The following ZFPM1 variants were observed in gnomAD, a reference collection of about 807,000 sequenced individuals.
ZFPM1 encodes zinc finger protein ZFPM1.
A neutral mutation model predicts 46.3 loss-of-function variants in ZFPM1; 28 were observed. The ratio of observed to expected loss-of-function variants is 0.60; its 90% CI spans 0.45 to 0.83. The LOEUF (loss-of-function observed/expected upper bound fraction) is 0.83. Among genes scored for constraint, ZFPM1 ranks in the 40% least tolerant of loss-of-function variants. ZFPM1 has a pLI of 0.00. For synonymous variants in ZFPM1, 957 were observed against 675.9 expected (o/e 1.42, Z -6.45); for missense variants, 1,878 against 1,432.4 (o/e 1.31, Z -5.02).
At chr16:88,503,317 G>A (rs1910476651) in intron 3 of ZFPM1, among the ~76,000 whole-genome samples, 1 of 139,234 alleles carries the variant, frequency 7.2e-6, no homozygotes. Flanking sequence ...GGGGCCCACG[G>A]TTCCTGAGTG....
rs1256810074 is a variant in ZFPM1 at position 88,533,465 on chromosome 16, G to A, written c.1507G>A (p.Glu503Lys). 2.8e-6 allele frequency: 4 copies of A among 1,430,584 alleles called. No individual in the cohort carries two copies. The highest frequency in any genetic ancestry group is 3.6e-6 in the Non-Finnish European group (4 of 1,100,220). 88.6% of individuals were successfully genotyped at this position (1,430,584 alleles called of 1,614,324 possible). A position where few individuals can be genotyped will look rare whatever the true frequency, so the allele number is the denominator to read the frequency against. The change falls in exon 10 of 10, where the codon GAG becomes AAG. Residue 503 changes from glutamate (E) to lysine (K), a missense_variant. By Grantham distance (56) the Glu-to-Lys change is moderately conservative. Transcript: ENST00000319555. Reference sequence around the variant, plus strand: ...CCCCGCCCCGGCCAGGGTCAAGGCCGAGCTGTCCAGCCCCACGCCGGGCTC... The same window carrying A: ...CCCCGCCCCGGCCAGGGTCAAGGCCAAGCTGTCCAGCCCCACGCCGGGCTC... ...RSPAPARVKA[E>K]LSSPTPGSSP...
chr16:88,474,517 C>T (rs1434647629), intron 1 of ZFPM1, among the ~76,000 whole-genome samples: 1 of 151,940 alleles, frequency 6.6e-6, no homozygotes, highest in East Asian at 1.9e-4. Context: ...CCTCCAGCCC[C>T]CTGCCTCCCC....
At chr16:88,454,984 A>G (rs991410633) in intron 1 of ZFPM1, among the ~76,000 whole-genome samples, 1 of 151,922 alleles carries the variant, frequency 6.6e-6, no homozygotes, top group Non-Finnish European at 1.5e-5. Context: ...CCGTAACCCA[A>G]CTCCCTCAGC....
At chr16:88,478,708 G>C (rs531006303) in intron 1 of ZFPM1, among the ~76,000 whole-genome samples, 12 of 152,340 alleles carry the variant, frequency 7.9e-5, no homozygotes, top group African/African-American at 2.9e-4. Flanking sequence ...GGGGGAAAAA[G>C]CCTCCGCCAG....
chr16:88,504,667 G>A (rs985611801), intron 3 of ZFPM1, among the ~76,000 whole-genome samples: 4 of 152,202 alleles, frequency 2.6e-5, no homozygotes, highest in Non-Finnish European at 4.4e-5. Flanking sequence ...CCTGTGTACC[G>A]TGGCGCTCTG....
At chr16:88,519,106 ATGGGTGGATGGATGGATGGATGGG>A in intron 4 of ZFPM1, among the ~76,000 whole-genome samples, 1 of 95,256 alleles carries the variant, frequency 1.0e-5, no homozygotes, top group South Asian at 4.0e-4. Flanking sequence ...GTGTGGGTGG[ATGGGTGGATGGATGGATGGATGGG>A]TGGATGGATG....
chr16:88,510,079 G>A (rs1910868868), intron 3 of ZFPM1, among the ~76,000 whole-genome samples: 1 of 152,138 alleles, frequency 6.6e-6, no homozygotes. Flanking sequence ...AGCTAGGAGA[G>A]AGAGAATAGT....
chr16:88,453,716 C>G, intron 1 of ZFPM1, 38 bp downstream of exon 1: 2 of 1,156,780 alleles, frequency 1.7e-6, no homozygotes, highest in Non-Finnish European at 2.2e-6. Context: ...TCCGCGCGCC[C>G]GACCCCCGCC....
chr16:88,455,400 G>A (rs1907499084), intron 1 of ZFPM1, among the ~76,000 whole-genome samples: 1 of 151,984 alleles, frequency 6.6e-6, no homozygotes, highest in Admixed American at 6.5e-5. Flanking sequence ...GAAAGGGCCC[G>A]GACGAGGAAG....
At chr16:88,467,301 C>G (rs1908179386) in intron 1 of ZFPM1, among the ~76,000 whole-genome samples, 1 of 152,190 alleles carries the variant, frequency 6.6e-6, no homozygotes, top group African/African-American at 2.4e-5. Flanking sequence ...CCCTGGTTCT[C>G]ACACACATCC....
rs1017039037 is a variant in ZFPM1 at position 88,497,141 on chromosome 16, G to A, written c.268+7988G>A. Among the ~76,000 whole-genome samples the A allele has an allele frequency of 7.2e-5, 11 of 152,352 alleles. No individual in the cohort carries two copies. The South Asian group carries it at 1.9e-3, about 26-fold the overall frequency. On this transcript the variant is annotated intron_variant, in intron 3 of 9. Transcript: ENST00000319555. This position sits in a 1 kb window ranked among gnomAD's most constrained non-coding sequence, Gnocchi z 5.4. ...GACTTTTCCATCCCCACTCCATCCT[G>A]GGCTCTGATGGCAGAGATGGGAAGG...
At chr16:88,487,221 C>T (rs1313945173) in intron 2 of ZFPM1, among the ~76,000 whole-genome samples, 1 of 152,210 alleles carries the variant, frequency 6.6e-6, no homozygotes, top group African/African-American at 2.4e-5. Context: ...CATGCTCACC[C>T]CCATTTTCCA....
intron 1 of ZFPM1, among the ~76,000 whole-genome samples, chr16:88,456,327 C>T (rs955741526): frequency 1.3e-5 from 2 of 152,066 alleles, no homozygotes; most frequent in African/African-American, 4.8e-5. Context: ...GTGTTTTCCC[C>T]TTGAATCATG....
At chr16:88,453,714 C>A in intron 1 of ZFPM1, 36 bp downstream of exon 1, 3 of 1,163,990 alleles carry the variant, frequency 2.6e-6, no homozygotes, top group Non-Finnish European at 1.1e-6. Context: ...CCTCCGCGCG[C>A]CCGACCCCCG....
rs1908883381 is a variant in ZFPM1 at position 88,480,491 on chromosome 16, C to A, written c.41-5448C>A. Among the ~76,000 whole-genome samples the A allele has an allele frequency of 6.6e-6, 1 of 152,228 alleles. No individual in the cohort carries two copies. The highest frequency in any genetic ancestry group is 1.9e-4 in the East Asian group (1 of 5,204). ...GGGGCCGTGTGGCTGCCAGTGGTCACCCGCCCCACCAGCTGCTCACATGGG... is the reference window on the plus strand; with the variant it reads ...GGGGCCGTGTGGCTGCCAGTGGTCAACCGCCCCACCAGCTGCTCACATGGG... On this transcript the variant is annotated intron_variant, in intron 1 of 9. Transcript: ENST00000319555. This position sits in a 1 kb window ranked among gnomAD's most constrained non-coding sequence, Gnocchi z 4.9.
At chr16:88,473,768 G>T (rs138051882) in intron 1 of ZFPM1, among the ~76,000 whole-genome samples, 7 of 152,272 alleles carry the variant, frequency 4.6e-5, no homozygotes, top group African/African-American at 1.7e-4. Context: ...GCTTGCAGCC[G>T]CGTGCGTGGC....
chr16:88,489,413 G>A, intron 3 of ZFPM1: 1 of 461,544 alleles, frequency 2.2e-6, no homozygotes, highest in Non-Finnish European at 3.8e-6. Flanking sequence ...AGCCTGGTCT[G>A]GGCCGCGGAA....
At chr16:88,502,130 T>C (rs1489101707) in intron 3 of ZFPM1, among the ~76,000 whole-genome samples, 1 of 146,230 alleles carries the variant, frequency 6.8e-6, no homozygotes, top group African/African-American at 2.5e-5. Flanking sequence ...CTTCTCTGCG[T>C]GTAACTTTTT....
At chr16:88,488,137 G>A (rs567025562) in intron 2 of ZFPM1, among the ~76,000 whole-genome samples, 97 of 152,324 alleles carry the variant, frequency 6.4e-4, no homozygotes, top group African/African-American at 2.3e-3. Context: ...TGTCACCGCC[G>A]CCAGCCTTAG....
Sources: allele counts gnomAD v4.1 joint callset (sites outside exome capture counted in the v4.1 genomes callset), GRCh38; gene constraint gnomAD v4.1.1; non-coding constraint Gnocchi (gnomAD v3.1); transcripts MANE v1.5; gene names NCBI Gene and HGNC (gene_info 2026-07-23, HGNC 2026-07-21).